GALNT16: variants seen among roughly 807,000 people sequenced by gnomAD.
The protein encoded by GALNT16 is polypeptide N-acetylgalactosaminyltransferase 16.
A neutral mutation model predicts 76.1 loss-of-function variants in GALNT16; 40 were observed. The observed-to-expected ratio is 0.53, with a 90% CI of 0.41 to 0.68. GALNT16 has a LOEUF of 0.68. GALNT16 is among the 30% of genes least tolerant of loss of function. GALNT16 has a pLI of 0.00. For missense variants in GALNT16, 621 were observed against 731.9 expected (o/e 0.85, Z 1.75); for synonymous variants, 276 against 285.2 (o/e 0.97, Z 0.32).
intron 1 of GALNT16, among the ~76,000 whole-genome samples, chr14:69,297,365 T>G (rs2044782955): frequency 6.6e-6 from 1 of 152,226 alleles, no homozygotes; most frequent in African/African-American, 2.4e-5. Context: ...TCGCCTCATT[T>G]TCTTTCTTTC....
At chr14:69,377,804 CAAAAAAAAAAAAAAA>C in the GALNT16 span, among the ~76,000 whole-genome samples, 52 of 37,490 alleles carry the variant, frequency 1.4e-3, 2 homozygotes, top group African/African-American at 4.2e-3. Flanking sequence ...GAGACTGTCT[CAAAAAAAAAAAAAAA>C]AAAAAAAAAA....
At chr14:69,372,533 T>C in the GALNT16 span, among the ~76,000 whole-genome samples, 1 of 146,504 alleles carries the variant, frequency 6.8e-6, no homozygotes, top group East Asian at 2.0e-4. Flanking sequence ...TCTTGCTCTG[T>C]TGCCCAGGCT....
intron 1 of GALNT16, among the ~76,000 whole-genome samples, chr14:69,269,672 A>AGT (rs1054382269): frequency 4.9e-5 from 5 of 102,140 alleles, no homozygotes; most frequent in East Asian, 2.9e-4. Context: ...GTGTGTGTGT[A>AGT]GTGTGTGTGT....
At chr14:69,312,678 T>G (rs2045044883) in intron 1 of GALNT16, among the ~76,000 whole-genome samples, 1 of 152,360 alleles carries the variant, frequency 6.6e-6, no homozygotes, top group Middle Eastern at 3.4e-3. Flanking sequence ...TTCTTCCATG[T>G]TCTTTTGAGC....
intron 1 of GALNT16, among the ~76,000 whole-genome samples, chr14:69,319,612 AG>A (rs1378331584): frequency 1.3e-5 from 2 of 152,242 alleles, no homozygotes; most frequent in Non-Finnish European, 2.9e-5. Flanking sequence ...ATGAGATGTC[AG>A]GGTGCTTGCA....
chr14:69,317,899 G>C (rs372687795), intron 1 of GALNT16, among the ~76,000 whole-genome samples: 24 of 152,322 alleles, frequency 1.6e-4, no homozygotes, highest in African/African-American at 5.8e-4. Flanking sequence ...TGGGAACTGG[G>C]GTTACATATC....
At chr14:69,306,681 A>G (rs2044939497) in intron 1 of GALNT16, among the ~76,000 whole-genome samples, 1 of 152,244 alleles carries the variant, frequency 6.6e-6, no homozygotes, top group African/African-American at 2.4e-5. Flanking sequence ...GTGAGAGGGC[A>G]TATTTACCCT....
the GALNT16 span, among the ~76,000 whole-genome samples, chr14:69,367,659 A>G: frequency 6.6e-6 from 1 of 150,704 alleles, no homozygotes; most frequent in African/African-American, 2.4e-5. Context: ...AAAAAAAAAA[A>G]GAAAAAGAAA....
At chr14:69,287,896 C>T (rs2044635565) in intron 1 of GALNT16, among the ~76,000 whole-genome samples, 1 of 152,186 alleles carries the variant, frequency 6.6e-6, no homozygotes, top group South Asian at 2.1e-4. Context: ...TTGATCCTCG[C>T]CTGGGTATTT....
At chr14:69,278,288 C>CGTGA (rs1322692563) in intron 1 of GALNT16, among the ~76,000 whole-genome samples, 1 of 152,084 alleles carries the variant, frequency 6.6e-6, no homozygotes, top group African/African-American at 2.4e-5. Flanking sequence ...GGATTACAGG[C>CGTGA]GTGAGCCACC....
intron 10 of GALNT16, among the ~76,000 whole-genome samples, chr14:69,339,171 GT>G (rs2045452605): frequency 6.6e-6 from 1 of 152,160 alleles, no homozygotes; most frequent in Non-Finnish European, 1.5e-5. Context: ...GGGAGAGTGG[GT>G]AATGTCCTAG....
chr14:69,330,755 T>G (rs2045342717), intron 6 of GALNT16, among the ~76,000 whole-genome samples: 1 of 152,116 alleles, frequency 6.6e-6, no homozygotes, highest in African/African-American at 2.4e-5. Context: ...GGGCGAAAGA[T>G]GAGAAGGCTC....
chr14:69,310,423 T>C (rs564355357), intron 1 of GALNT16, among the ~76,000 whole-genome samples: 1 of 152,314 alleles, frequency 6.6e-6, no homozygotes, highest in South Asian at 2.1e-4. Flanking sequence ...AATGTATGTC[T>C]TTACATCACT....
intron 12 of GALNT16, 41 bp downstream of exon 12, chr14:69,341,805 G>C: frequency 7.3e-7 from 1 of 1,368,020 alleles, no homozygotes; most frequent in Non-Finnish European, 1.0e-6. Flanking sequence ...CAGGCGGGTA[G>C]GGGGTGGTTG....
Position 69,328,470 on chromosome 14 carries a change from C to A in GALNT16, c.589C>A (p.Arg197Ser), listed in dbSNP as rs759959307. The change falls in exon 6 of 15, where the codon CGT (arginine) becomes AGT (serine). Residue 197 changes from arginine (R) to serine (S), a missense_variant. Coordinates refer to ENST00000448469, the MANE Select transcript of GALNT16 (RefSeq NM_001168368.2). ...RREGLIRSRV[R>S]GADVAAATVL... ...TGTAGGGCTGATCCGGTCCCGAGTG[C>A]GTGGGGCGGACGTGGCTGCAGCTAC... 1.1e-5 allele frequency: 18 copies of A among 1,613,970 alleles called. No homozygotes were observed. Among genetic ancestry groups the A allele is most frequent in the Non-Finnish European group, 1.4e-5 (17 of 1,179,918 alleles).
At chr14:69,277,395 C>T (rs2044485721) in intron 1 of GALNT16, among the ~76,000 whole-genome samples, 1 of 152,084 alleles carries the variant, frequency 6.6e-6, no homozygotes, top group Non-Finnish European at 1.5e-5. Flanking sequence ...CATGACAGGC[C>T]CCGGTGTGTG....
chr14:69,319,165 G>A (rs990815828), intron 1 of GALNT16, among the ~76,000 whole-genome samples: 1 of 152,232 alleles, frequency 6.6e-6, no homozygotes, highest in African/African-American at 2.4e-5. Context: ...TCTGCCCTCA[G>A]GGAACCTCCA....
At chr14:69,378,221 C>T in the GALNT16 span, among the ~76,000 whole-genome samples, 2 of 152,178 alleles carry the variant, frequency 1.3e-5, no homozygotes, top group Non-Finnish European at 2.9e-5. Flanking sequence ...TTTTTATACT[C>T]CTGGGACCTC....
chr14:69,288,009 C>T (rs538238831), intron 1 of GALNT16, among the ~76,000 whole-genome samples: 1 of 152,296 alleles, frequency 6.6e-6, no homozygotes, highest in Admixed American at 6.5e-5. Context: ...TGCTAAGAGC[C>T]AAAAGTGTTT....
Sources: gnomAD v4.1 joint callset for allele counts (sites outside exome capture counted in the v4.1 genomes callset) on GRCh38, gnomAD v4.1.1 for gene constraint, MANE v1.5 for transcripts, NCBI Gene and HGNC (gene_info 2026-07-23, HGNC 2026-07-21) for gene names.